Variants in ADK observed in about 807,000 individuals in gnomAD.
ADK encodes the protein adenosine kinase, also known as N6,N6-dimethyladenosine kinase.
Under a neutral mutation model 44.7 loss-of-function variants are expected in ADK, and 24 were observed. The ratio of observed to expected loss-of-function variants is 0.54; its 90% CI spans 0.39 to 0.76. The LOEUF (loss-of-function observed/expected upper bound fraction) is 0.76, where lower values mean the gene tolerates loss of function less well. ADK is among the 30% of genes least tolerant of loss of function. ADK has a pLI of 0.00. For synonymous variants in ADK, 128 were observed against 142.6 expected (o/e 0.90, Z 0.73); for missense variants, 321 against 425.1 (o/e 0.76, Z 2.15).
At chr10:74,163,079 T>C (rs943745427) in intron 1 of ADK, among the ~76,000 whole-genome samples, 117 of 152,260 alleles carry the variant, frequency 7.7e-4, no homozygotes, top group African/African-American at 2.5e-3. Context: ...GCGATTCTCC[T>C]GCCTCAGCCT....
intron 4 of ADK, among the ~76,000 whole-genome samples, chr10:74,388,565 T>C (rs1448267307): frequency 6.6e-6 from 1 of 152,210 alleles, no homozygotes; most frequent in Non-Finnish European, 1.5e-5. Flanking sequence ...TCTACATATA[T>C]GTCTTGCACA....
At chr10:74,647,870 T>A (rs1214910012) in intron 9 of ADK, among the ~76,000 whole-genome samples, 1 of 152,206 alleles carries the variant, frequency 6.6e-6, no homozygotes, top group Admixed American at 6.5e-5. Flanking sequence ...CATTTGATAC[T>A]AATTAAGTAA....
In ADK at chr10:74,607,209, T is replaced by C. The variant is rs534916904; in HGVS notation, c.877+6716T>C. Reference sequence around the variant, plus strand: ...CAATTCCCCAGTCTGTGTTTTTCAATTGGGGCATTTAGCCCATTTACATTT... The same window carrying C: ...CAATTCCCCAGTCTGTGTTTTTCAACTGGGGCATTTAGCCCATTTACATTT... On this transcript the variant is annotated intron_variant, in intron 9 of 10. Coordinates refer to ENST00000539909, the MANE Select transcript of ADK (RefSeq NM_006721.4). Among the ~76,000 whole-genome samples the C allele has an allele frequency of 3.6e-3, 555 of 152,318 alleles. 2 individuals carry two copies. The highest frequency in any genetic ancestry group is 0.013 in the African/African-American group (522 of 41,558).
At chr10:74,410,808 A>G (rs1844148756) in intron 6 of ADK, among the ~76,000 whole-genome samples, 1 of 152,232 alleles carries the variant, frequency 6.6e-6, no homozygotes, top group South Asian at 2.1e-4. Flanking sequence ...GAGTAAGTGA[A>G]CTAATGATTT....
At chr10:74,699,179 A>G (rs1222345557) in intron 10 of ADK, among the ~76,000 whole-genome samples, 3 of 143,628 alleles carry the variant, frequency 2.1e-5, no homozygotes, top group Non-Finnish European at 4.5e-5. Flanking sequence ...AATACCTGCA[A>G]GCCACATTTA....
intron 3 of ADK, among the ~76,000 whole-genome samples, chr10:74,312,739 T>TA (rs1216213934): frequency 0.015 from 1,984 of 134,832 alleles, 39 homozygotes; most frequent in Non-Finnish European, 0.015. Context: ...AGCCTGTCTC[T>TA]AAAAAAAAAA....
intron 2 of ADK, among the ~76,000 whole-genome samples, chr10:74,222,483 C>T (rs1442134266): frequency 2.6e-5 from 4 of 151,784 alleles, no homozygotes; most frequent in Admixed American, 2.6e-4. Context: ...ACTAGAAATA[C>T]CATTTGACCC....
intron 7 of ADK, among the ~76,000 whole-genome samples, chr10:74,549,820 C>T (rs977196204): frequency 2.6e-5 from 4 of 152,108 alleles, no homozygotes; most frequent in Admixed American, 1.3e-4. Flanking sequence ...TATACACAGG[C>T]GTTAATTATT....
At chr10:74,182,008 T>C (rs990903482) in intron 1 of ADK, among the ~76,000 whole-genome samples, 5 of 152,182 alleles carry the variant, frequency 3.3e-5, no homozygotes, top group African/African-American at 4.8e-5. Context: ...TAAGCCTACA[T>C]TGGAAAATTT....
intron 4 of ADK, among the ~76,000 whole-genome samples, chr10:74,384,824 G>A (rs900952509): frequency 1.3e-5 from 2 of 152,178 alleles, no homozygotes; most frequent in Non-Finnish European, 2.9e-5. Flanking sequence ...GCATTCAAGA[G>A]TGTTAATGCT....
chr10:74,644,306 A>G (rs1210710955), intron 9 of ADK, among the ~76,000 whole-genome samples: 14 of 152,230 alleles, frequency 9.2e-5, no homozygotes, highest in Non-Finnish European at 7.3e-5. Flanking sequence ...TAGGAAGTAC[A>G]GTTCTTATGA....
At chr10:74,236,797 T>C (rs965140069) in intron 3 of ADK, among the ~76,000 whole-genome samples, 3 of 152,250 alleles carry the variant, frequency 2.0e-5, no homozygotes, top group African/African-American at 7.2e-5. Context: ...ATCTATTGTA[T>C]ACAATAACAT....
At chr10:74,365,873 A>G (rs1330132135) in intron 4 of ADK, among the ~76,000 whole-genome samples, 2 of 152,138 alleles carry the variant, frequency 1.3e-5, no homozygotes, top group Non-Finnish European at 2.9e-5. Context: ...AACTCTTGTT[A>G]TTTTATTTTC....
Position 74,356,009 on chromosome 10 carries a change from T to TGG in ADK, c.274-38132_274-38131insGG, listed in dbSNP as rs1564672621. Among the ~76,000 whole-genome samples, 19 of 127,890 alleles carry TGG rather than the reference T, an allele frequency of 1.5e-4. 1 individual carries two copies. Among genetic ancestry groups the TGG allele is most frequent in the Non-Finnish European group, 2.7e-4 (16 of 60,138 alleles). The allele number at this position is 127,890 out of a possible 152,430, so 83.9% of individuals were successfully genotyped here. On this transcript the variant is annotated intron_variant, in intron 4 of 10. Coordinates refer to ENST00000539909, the MANE Select transcript of ADK (RefSeq NM_006721.4). ...TATTTCACTAAATAATTCATTTTTT[T>TGG]TTTTTTTTTTTTTTTTTTTTGAGAC...
At chr10:74,649,034 G>T (rs921710573) in intron 9 of ADK, among the ~76,000 whole-genome samples, 1 of 151,906 alleles carries the variant, frequency 6.6e-6, no homozygotes, top group Non-Finnish European at 1.5e-5. Flanking sequence ...ACAAAAATTA[G>T]CTGGGCGTGG....
At chr10:74,200,399 A>T (rs1591842071) in intron 1 of ADK, among the ~76,000 whole-genome samples, 1 of 150,512 alleles carries the variant, frequency 6.6e-6, no homozygotes, top group East Asian at 2.0e-4. Flanking sequence ...CAGGAGAATC[A>T]CTTGAACCTG....
intron 1 of ADK, among the ~76,000 whole-genome samples, chr10:74,159,721 C>A (rs1174685049): frequency 6.6e-6 from 1 of 152,024 alleles, no homozygotes; most frequent in Non-Finnish European, 1.5e-5. Flanking sequence ...GCCTCCCGAG[C>A]AGCTGGGATT....
chr10:74,201,157 G>A (rs1245076453), intron 2 of ADK, among the ~76,000 whole-genome samples: 1 of 152,050 alleles, frequency 6.6e-6, no homozygotes, highest in Non-Finnish European at 1.5e-5. Context: ...GTCTATAATG[G>A]TATCATAATC....
intron 5 of ADK, among the ~76,000 whole-genome samples, chr10:74,394,736 A>C (rs569210621): frequency 3.3e-4 from 51 of 152,292 alleles, no homozygotes; most frequent in African/African-American, 1.2e-3. Context: ...TATTTTATGT[A>C]TATAAAATAC....
Sources: allele counts gnomAD v4.1 joint callset (sites outside exome capture counted in the v4.1 genomes callset), GRCh38; gene constraint gnomAD v4.1.1; transcripts MANE v1.5; gene names NCBI Gene and HGNC (gene_info 2026-07-23, HGNC 2026-07-21).